STRN: variants seen among roughly 807,000 people sequenced by gnomAD.
STRN encodes the protein protein phosphatase 2 regulatory subunit B'''alpha.
In STRN, 53 loss-of-function variants were observed where a neutral mutation model predicts 96.3. The ratio of observed to expected loss-of-function variants is 0.55; its 90% CI spans 0.44 to 0.69. The LOEUF is 0.69. Ranked by LOEUF, STRN falls within the 30% of genes least tolerant of loss-of-function variation. The probability of loss-of-function intolerance (pLI) is 0.00; values close to 1 mark genes in which losing one functional copy is unlikely to be tolerated. For synonymous variants in STRN, 428 were observed against 355.9 expected (o/e 1.20, Z -2.28); for missense variants, 987 against 963.9 (o/e 1.02, Z -0.32).
chr2:36,936,650 T>G (rs1454125364), intron 1 of STRN, among the ~76,000 whole-genome samples: 4 of 152,208 alleles, frequency 2.6e-5, no homozygotes, highest in Admixed American at 2.6e-4. Flanking sequence ...CTATAAAAAC[T>G]ATATTTGAGA....
At chr2:36,933,760 A>G (rs1315161254) in intron 1 of STRN, among the ~76,000 whole-genome samples, 5 of 152,232 alleles carry the variant, frequency 3.3e-5, no homozygotes, top group Admixed American at 1.3e-4. Flanking sequence ...GTGTGCTGCC[A>G]TGCCCAGCCA....
rs563819593 is a variant in STRN at position 36,861,766 on chromosome 2, T to C, written c.1548-513A>G. Reference sequence around the variant, plus strand: ...ACACACACACACACACACACACACTTCTCACAAAACTTTTTAACTTTTAGT... The same window carrying C: ...ACACACACACACACACACACACACTCCTCACAAAACTTTTTAACTTTTAGT... On this transcript the variant is annotated intron_variant, in intron 12 of 17. Transcript: ENST00000263918. Among the ~76,000 whole-genome samples the C allele has an allele frequency of 1.6e-4, 24 of 147,790 alleles. 2 individuals carry two copies. The highest frequency in any genetic ancestry group is 5.5e-4 in the African/African-American group (22 of 40,284).
At position 36,966,488 on chromosome 2, in the gene STRN, T is replaced by A; in HGVS notation, c.-25A>T. The A allele has an allele frequency of 1.4e-6, 2 of 1,405,802 alleles. No homozygotes were observed. Among genetic ancestry groups the A allele is most frequent in the Non-Finnish European group, 1.8e-6 (2 of 1,083,842 alleles). 87.1% of individuals were successfully genotyped at this position (1,405,802 alleles called of 1,614,324 possible). ...TGGCGGCCGCAGATACCCGGGGAGC[T>A]GCCCCGGCGCCCAGCAGCGGAGGCA... On this transcript the variant is annotated 5_prime_UTR_variant, in exon 1 of 18. Coordinates refer to ENST00000263918, the MANE Select transcript of STRN (RefSeq NM_003162.4).
intron 10 of STRN, among the ~76,000 whole-genome samples, chr2:36,872,929 G>A (rs1668799592): frequency 6.6e-6 from 1 of 152,228 alleles, no homozygotes; most frequent in Admixed American, 6.5e-5. Flanking sequence ...TAAAAGGTGA[G>A]CCCAATATTT....
chr2:36,929,733 G>C (rs780389273), intron 1 of STRN, among the ~76,000 whole-genome samples: 8 of 152,058 alleles, frequency 5.3e-5, no homozygotes, highest in Non-Finnish European at 1.0e-4. Flanking sequence ...AAAAGGGCTA[G>C]GATTCAAAAT....
intron 3 of STRN, among the ~76,000 whole-genome samples, chr2:36,915,386 G>C (rs1283247468): frequency 6.6e-6 from 1 of 150,676 alleles, no homozygotes. Flanking sequence ...GTACCTATCT[G>C]AAACATGGTT....
At chr2:36,961,809 A>C (rs1170380389) in intron 1 of STRN, among the ~76,000 whole-genome samples, 1 of 152,150 alleles carries the variant, frequency 6.6e-6, no homozygotes, top group Non-Finnish European at 1.5e-5. Context: ...GACTTCTTCC[A>C]TTAGTACCTG....
chr2:36,890,432 T>C (rs958933087), intron 7 of STRN, among the ~76,000 whole-genome samples: 1 of 151,848 alleles, frequency 6.6e-6, no homozygotes, highest in Non-Finnish European at 1.5e-5. Context: ...TTGTGTGCTA[T>C]GGTTATAAAG....
At chr2:36,917,671 T>C (rs1354810276) in intron 2 of STRN, among the ~76,000 whole-genome samples, 1 of 152,140 alleles carries the variant, frequency 6.6e-6, no homozygotes, top group Non-Finnish European at 1.5e-5. Flanking sequence ...AAAAAAGTTT[T>C]AGACAGAGAG....
At chr2:36,918,460 A>T (rs1203790403) in intron 2 of STRN, among the ~76,000 whole-genome samples, 1 of 151,772 alleles carries the variant, frequency 6.6e-6, no homozygotes, top group Non-Finnish European at 1.5e-5. Context: ...TATATTTTTT[A>T]TATATATATA....
Position 36,855,136 on chromosome 2 carries a change from A to C in STRN, c.1978+76T>G, listed in dbSNP as rs117002374. ...AGCTTTATAATGACAAATATTTTTC[A>C]CAGCTGACTCTAGTAGTCGTAATTT... On this transcript the variant is annotated intron_variant, in intron 15 of 17. Coordinates refer to ENST00000263918, the MANE Select transcript of STRN (RefSeq NM_003162.4). The C allele has an allele frequency of 4.1e-5, 59 of 1,449,014 alleles. No homozygotes were observed. The East Asian group carries it at 1.3e-3, about 33-fold the overall frequency. 89.8% of individuals were successfully genotyped at this position (1,449,014 alleles called of 1,614,324 possible). A position where few individuals can be genotyped will look rare whatever the true frequency, so the allele number is the denominator to read the frequency against.
rs191103040 is a variant in STRN at position 36,909,789 on chromosome 2, G to A, written c.413-4171C>T. Reference sequence around the variant, plus strand: ...TGATAAAGAGAAAATCTTAAAAGCAGCCAGAGAAAAAGGTCACATTATACA... The same window carrying A: ...TGATAAAGAGAAAATCTTAAAAGCAACCAGAGAAAAAGGTCACATTATACA... On this transcript the variant is annotated intron_variant, in intron 3 of 17. Coordinates refer to ENST00000263918, the MANE Select transcript of STRN (RefSeq NM_003162.4). Among the ~76,000 whole-genome samples the A allele has an allele frequency of 1.8e-4, 27 of 152,216 alleles. No homozygotes were observed. The East Asian group carries it at 5.0e-3, about 28-fold the overall frequency.
chr2:36,888,117 C>T (rs1362353785), intron 7 of STRN, among the ~76,000 whole-genome samples: 1 of 152,188 alleles, frequency 6.6e-6, no homozygotes, highest in Non-Finnish European at 1.5e-5. Context: ...TCCCACTCCA[C>T]ATAAAATATA....
intron 12 of STRN, among the ~76,000 whole-genome samples, chr2:36,862,118 T>G (rs374933958): frequency 6.6e-6 from 1 of 152,200 alleles, no homozygotes; most frequent in Non-Finnish European, 1.5e-5. Flanking sequence ...TATGGGTGCA[T>G]AGTATTCCAC....
intron 7 of STRN, among the ~76,000 whole-genome samples, chr2:36,890,970 C>T (rs952217108): frequency 1.3e-5 from 2 of 152,216 alleles, no homozygotes; most frequent in African/African-American, 4.8e-5. Context: ...ATCCCTTACC[C>T]GAAATGCTTG....
At chr2:36,882,555 C>T (rs1669102886) in intron 9 of STRN, among the ~76,000 whole-genome samples, 1 of 151,930 alleles carries the variant, frequency 6.6e-6, no homozygotes, top group African/African-American at 2.4e-5. Flanking sequence ...TCACTTGAGC[C>T]CAGGAGTTTG....
chr2:36,902,282 C>A (rs761627652), intron 5 of STRN, among the ~76,000 whole-genome samples: 6 of 152,100 alleles, frequency 3.9e-5, no homozygotes, highest in Non-Finnish European at 8.8e-5. Context: ...GTCATTCTTA[C>A]AGATTTGTAC....
Position 36,849,386 on chromosome 2 carries a change from T to A in STRN, c.*70A>T. 1 of 1,549,586 alleles carries A rather than the reference T, an allele frequency of 6.5e-7. No homozygotes were observed. The highest frequency in any genetic ancestry group is 8.8e-7 in the Non-Finnish European group (1 of 1,136,924). ...GGGCAGGACGAGATGATTCTTGCCC[T>A]CGTCTTCTGTATCTCTTGTGTGCAG... On this transcript the variant is annotated 3_prime_UTR_variant, in exon 18 of 18. Coordinates refer to ENST00000263918, the MANE Select transcript of STRN (RefSeq NM_003162.4).
At chr2:36,903,563 G>C (rs780829682) in intron 4 of STRN, among the ~76,000 whole-genome samples, 1 of 152,146 alleles carries the variant, frequency 6.6e-6, no homozygotes, top group Non-Finnish European at 1.5e-5. Context: ...TAATAAAAAC[G>C]ACAGACAAAC....
Sources: allele counts gnomAD v4.1 joint callset (sites outside exome capture counted in the v4.1 genomes callset), GRCh38; gene constraint gnomAD v4.1.1; transcripts MANE v1.5; gene names NCBI Gene and HGNC (gene_info 2026-07-23, HGNC 2026-07-21).